Variants in GAK observed in about 807,000 individuals in gnomAD.
The protein encoded by GAK is cyclin G associated kinase.
A neutral mutation model predicts 143.9 loss-of-function variants in GAK; 79 were observed. The observed-to-expected ratio is 0.55, with a 90% confidence interval of 0.46 to 0.66. GAK has a LOEUF of 0.66. GAK is among the 30% of genes least tolerant of loss of function. The pLI, the probability that GAK is intolerant of heterozygous loss-of-function variation, is 0.00. For missense variants in GAK, 1,693 were observed against 1,779.7 expected (o/e 0.95, Z 0.88); for synonymous variants, 881 against 765.5 (o/e 1.15, Z -2.49).
At position 867,264 on chromosome 4, in the gene GAK, C is replaced by T. The variant is rs985261446; in HGVS notation, c.2564G>A (p.Gly855Glu). Reference protein sequence around the residue: ...ADPEPPGLAAGLVQQDLVFEV... With the variant: ...ADPEPPGLAAELVQQDLVFEV... ...AAAAACCAAGTCCTGCTGCACCAGC[C>T]CTGCTGCCAGGCCGGGGGGCTCTGG... The change falls in exon 21 of 28, where the codon GGG becomes GAG. Residue 855 changes from glycine to glutamate, a missense_variant. Physicochemically the swap from Gly to Glu is moderately conservative, Grantham distance 98. Around this residue, in one of 2 missense-constraint regions of GAK, gnomAD observed 822 missense variants for 788.7 expected, o/e 1.04. Coordinates refer to ENST00000314167, the MANE Select transcript of GAK (RefSeq NM_005255.4). 3 of 1,613,268 alleles carry T rather than the reference C, an allele frequency of 1.9e-6. No individual in the cohort carries two copies. Among genetic ancestry groups the T allele is most frequent in the Non-Finnish European group, 1.7e-6 (2 of 1,179,664 alleles).
chr4:877,945 T>C (rs1577127923), intron 15 of GAK, 136 bp from the exon 16 acceptor site: 1 of 646,286 alleles, frequency 1.5e-6, no homozygotes, highest in East Asian at 2.9e-5. Flanking sequence ...CTAACAAATC[T>C]GATGTTATAA....
chr4:849,626 G>A lies in GAK; in HGVS notation c.*47C>T, dbSNP rs371902480. The A allele has an allele frequency of 1.0e-4, 148 of 1,479,226 alleles. 1 individual carries two copies. Among genetic ancestry groups the A allele is most frequent in the Admixed American group, 7.3e-4 (41 of 56,060 alleles). 91.6% of individuals were successfully genotyped at this position (1,479,226 alleles called of 1,614,324 possible). On this transcript the variant is annotated 3_prime_UTR_variant, in exon 28 of 28. Coordinates refer to ENST00000314167, the MANE Select transcript of GAK (RefSeq NM_005255.4). ...ACGGTGGGGACCCAGGTCCCACGAC[G>A]GCTCCCAACCTGTGGAGCTGTGTGC...
rs761230710 is a variant in GAK at position 932,133 on chromosome 4, C to T, written c.55G>A (p.Gly19Ser). 7.6e-6 allele frequency: 12 copies of T among 1,587,646 alleles called. No homozygotes were observed. Among genetic ancestry groups the T allele is most frequent in the South Asian group, 6.8e-5 (6 of 88,440 alleles). The change falls in exon 1 of 28, where the codon GGT (glycine) becomes AGT (serine). Residue 19 changes from glycine (G) to serine (S), a missense_variant. By Grantham distance (56) the Gly-to-Ser change is moderately conservative (BLOSUM62 0). Coordinates refer to ENST00000314167, the MANE Select transcript of GAK (RefSeq NM_005255.4). The surrounding 1 kb of genome is among the most constrained non-coding windows in gnomAD (Gnocchi z 4.0). ...DFLAGPGSLGGASGRDQSDFV... is the reference protein window; with the variant it reads ...DFLAGPGSLGSASGRDQSDFV... ...TCACTCTGGTCGCGGCCGGAAGCAC[C>T]GCCCAGGGAGCCTGGACCCGCCAAG... is the stretch of plus-strand genomic sequence containing the variant.
intron 11 of GAK, among the ~76,000 whole-genome samples, chr4:885,266 T>C (rs1418546943): frequency 6.6e-6 from 1 of 152,068 alleles, no homozygotes; most frequent in Non-Finnish European, 1.5e-5. Flanking sequence ...ACCTATAATC[T>C]AATCACCGGT....
intron 24 of GAK, chr4:853,803 CTT>C (rs34083653): frequency 0.018 from 2,603 of 144,764 alleles, 71 homozygotes; most frequent in African/African-American, 0.058. Context: ...TGCCCATTTT[CTT>C]TTTTTTTTTT....
chr4:878,592 G>A (rs1714469183), intron 15 of GAK, among the ~76,000 whole-genome samples: 1 of 152,202 alleles, frequency 6.6e-6, no homozygotes, highest in Non-Finnish European at 1.5e-5. Flanking sequence ...CTATATCCCT[G>A]CTGGTGGTCT....
intron 9 of GAK, among the ~76,000 whole-genome samples, 171 bp from the exon 10 acceptor site, chr4:890,793 A>G (rs542352072): frequency 3.3e-5 from 5 of 152,324 alleles, no homozygotes; most frequent in African/African-American, 1.2e-4. Flanking sequence ...CTGGAACTCA[A>G]CAAACGCACG....
intron 5 of GAK, among the ~76,000 whole-genome samples, chr4:900,804 A>C (rs192150605): frequency 6.6e-6 from 1 of 152,334 alleles, no homozygotes; most frequent in Admixed American, 6.5e-5. Flanking sequence ...AAATACAAGG[A>C]AAGAAGAAAC....
At chr4:866,230 G>T (rs972405913) in intron 22 of GAK, 134 bp downstream of exon 22, 3 of 857,086 alleles carry the variant, frequency 3.5e-6, no homozygotes, top group South Asian at 1.7e-5. Context: ...TGCTTGGGCC[G>T]CAAGGAGCGC....
intron 1 of GAK, among the ~76,000 whole-genome samples, chr4:921,252 G>A (rs961229436): frequency 2.4e-4 from 36 of 152,168 alleles, no homozygotes; most frequent in African/African-American, 8.4e-4. Context: ...ACAGACGTGC[G>A]TCACCACGCC....
At chr4:893,822 G>C (rs945050306) in intron 8 of GAK, 52 bp downstream of exon 8, 1 of 1,513,886 alleles carries the variant, frequency 6.6e-7, no homozygotes, top group Non-Finnish European at 8.9e-7. Flanking sequence ...AGAGCCACGC[G>C]GGGTCTGTGC....
intron 1 of GAK, among the ~76,000 whole-genome samples, chr4:919,940 C>T (rs1723653367): frequency 6.6e-6 from 1 of 152,170 alleles, no homozygotes; most frequent in African/African-American, 2.4e-5. Flanking sequence ...CACCTGAACC[C>T]AGGAGTTTGA....
At chr4:906,183 G>A (rs1019524091) in intron 4 of GAK, among the ~76,000 whole-genome samples, 5 of 152,226 alleles carry the variant, frequency 3.3e-5, no homozygotes, top group South Asian at 2.1e-4. Flanking sequence ...CAGCCGAGCC[G>A]GCGAGCCGTT....
At chr4:908,098 C>T (rs1484942394) in intron 4 of GAK, among the ~76,000 whole-genome samples, 1 of 152,196 alleles carries the variant, frequency 6.6e-6, no homozygotes, top group Non-Finnish European at 1.5e-5. Context: ...TGTCTAGAAC[C>T]AAGATTTACC....
At position 867,253 on chromosome 4, in the gene GAK, G is replaced by C. The variant is rs1751367956; in HGVS notation, c.2575C>G (p.Gln859Glu). ...GTCTCCACCTCAAAAACCAAGTCCT[G>C]CTGCACCAGCCCTGCTGCCAGGCCG... ...PPGLAAGLVQQDLVFEVETPA... is the reference protein window; with the variant it reads ...PPGLAAGLVQEDLVFEVETPA... Residue 859 changes from glutamine (Q) to glutamate (E), a missense_variant, in exon 21 of 28, where the codon CAG (glutamine) becomes GAG (glutamate). Transcript: ENST00000314167. 6.2e-7 allele frequency: 1 copy of C among 1,613,334 alleles called. No homozygotes were observed. The highest frequency in any genetic ancestry group is 1.1e-5 in the South Asian group (1 of 90,980).
intron 1 of GAK, among the ~76,000 whole-genome samples, chr4:931,011 C>T (rs922900339): frequency 1.3e-5 from 2 of 152,210 alleles, no homozygotes; most frequent in South Asian, 2.1e-4. Flanking sequence ...GCCAATACAG[C>T]AGAATAGAGT....
chr4:858,454 G>A (rs1160119650), intron 24 of GAK, among the ~76,000 whole-genome samples: 1 of 152,120 alleles, frequency 6.6e-6, no homozygotes, highest in African/African-American at 2.4e-5. Context: ...CGGCTGCCCA[G>A]GGCAGTCAAG....
intron 23 of GAK, among the ~76,000 whole-genome samples, chr4:864,676 C>T (rs1202328524): frequency 6.6e-6 from 1 of 152,156 alleles, no homozygotes; most frequent in Admixed American, 6.5e-5. Context: ...CCCTTCCTGA[C>T]AGGGCATGGG....
intron 22 of GAK, 97 bp from the exon 23 acceptor site, chr4:865,341 C>T: frequency 6.8e-7 from 1 of 1,470,806 alleles, no homozygotes. Context: ...TAGGAGCGGA[C>T]ACCTCTTGCA....
Sources: allele counts gnomAD v4.1 joint callset (sites outside exome capture counted in the v4.1 genomes callset), GRCh38; gene constraint gnomAD v4.1.1; regional missense constraint gnomAD v4.1.1; non-coding constraint Gnocchi (gnomAD v3.1); transcripts MANE v1.5; gene names NCBI Gene and HGNC (gene_info 2026-07-23, HGNC 2026-07-21).